The following PLXDC2 variants were observed in gnomAD, a reference collection of about 807,000 sequenced individuals.
PLXDC2 encodes plexin domain-containing protein 2.
In PLXDC2, 40 loss-of-function variants were observed where a neutral mutation model predicts 68.9. The observed-to-expected ratio is 0.58, with a 90% CI of 0.45 to 0.76. PLXDC2 has a LOEUF of 0.76. Among genes scored for constraint, PLXDC2 ranks in the 30% least tolerant of loss-of-function variants. PLXDC2 has a pLI of 0.00. For synonymous variants in PLXDC2, 243 were observed against 234.2 expected (o/e 1.04, Z -0.34); for missense variants, 644 against 661.9 (o/e 0.97, Z 0.30).
At chr10:19,989,341 C>G (rs1834706504) in intron 1 of PLXDC2, among the ~76,000 whole-genome samples, 1 of 152,102 alleles carries the variant, frequency 6.6e-6, no homozygotes, top group Non-Finnish European at 1.5e-5. Context: ...TAAATTTTTT[C>G]TGAGCAAATG....
At chr10:20,159,984 T>A (rs555691482) in intron 6 of PLXDC2, among the ~76,000 whole-genome samples, 6 of 152,304 alleles carry the variant, frequency 3.9e-5, no homozygotes, top group African/African-American at 1.4e-4. Flanking sequence ...CACCTTCTAG[T>A]ATGCTATAGG....
At chr10:19,914,416 G>A (rs925211972) in intron 1 of PLXDC2, among the ~76,000 whole-genome samples, 4 of 152,082 alleles carry the variant, frequency 2.6e-5, no homozygotes, top group Non-Finnish European at 4.4e-5. Flanking sequence ...TACAGAGTGG[G>A]TTTTAAAGTT....
At position 20,287,384 on chromosome 10, in the gene PLXDC2, A is replaced by G. The variant is rs777988855; in HGVS notation, c.*7565A>G. On this transcript the variant is annotated 3_prime_UTR_variant, in exon 14 of 14. Transcript: ENST00000377252. ...AAAATAATTTTCCTGAGGAAAGGTT[A>G]AGAGATGGCACTTTCCTTTCCGGGC... 2 of 152,190 alleles carry G rather than the reference A, an allele frequency of 1.3e-5. No individual in the cohort carries two copies. The highest frequency in any genetic ancestry group is 2.9e-5 in the Non-Finnish European group (2 of 68,042). The allele number at this position is 152,190 out of a possible 1,614,324, so 9.4% of individuals were successfully genotyped here.
intron 1 of PLXDC2, among the ~76,000 whole-genome samples, chr10:19,819,858 A>G (rs1229787289): frequency 2.0e-5 from 3 of 152,216 alleles, no homozygotes; most frequent in African/African-American, 7.2e-5. Context: ...TAATCACTAA[A>G]GTTTCTGTTT....
intron 4 of PLXDC2, among the ~76,000 whole-genome samples, chr10:20,127,091 AAAAG>A (rs973165439): frequency 1.3e-5 from 2 of 151,984 alleles, no homozygotes; most frequent in Admixed American, 6.6e-5. Flanking sequence ...GGGTGGAAAA[AAAAG>A]AAAGAAGGAA....
intron 1 of PLXDC2, among the ~76,000 whole-genome samples, chr10:19,981,312 G>A (rs777392028): frequency 6.6e-6 from 1 of 152,138 alleles, no homozygotes; most frequent in Non-Finnish European, 1.5e-5. Flanking sequence ...TCACATCCTA[G>A]ACCTTGAAAA....
At chr10:19,890,150 GC>G (rs1837925795) in intron 1 of PLXDC2, among the ~76,000 whole-genome samples, 1 of 152,168 alleles carries the variant, frequency 6.6e-6, no homozygotes, top group African/African-American at 2.4e-5. Context: ...TTGGGGGATA[GC>G]CCTGGGCTTC....
chr10:20,206,524 C>T (rs192149650), intron 9 of PLXDC2, among the ~76,000 whole-genome samples: 62 of 151,926 alleles, frequency 4.1e-4, no homozygotes, highest in African/African-American at 1.2e-3. Flanking sequence ...ACAGCACCTT[C>T]GGGGAAGGGA....
intron 1 of PLXDC2, among the ~76,000 whole-genome samples, chr10:19,831,019 C>G (rs1325106621): frequency 6.7e-6 from 1 of 148,778 alleles, no homozygotes; most frequent in Non-Finnish European, 1.5e-5. Flanking sequence ...TGTTTTTTTG[C>G]TTGTTTGTTT....
At chr10:19,836,019 A>G (rs1358670455) in intron 1 of PLXDC2, among the ~76,000 whole-genome samples, 1 of 152,056 alleles carries the variant, frequency 6.6e-6, no homozygotes, top group Non-Finnish European at 1.5e-5. Context: ...AAAAATAAAA[A>G]TAAAAAAATT....
intron 1 of PLXDC2, among the ~76,000 whole-genome samples, chr10:19,888,897 A>C (rs1171236795): frequency 6.6e-6 from 1 of 152,184 alleles, no homozygotes; most frequent in Non-Finnish European, 1.5e-5. Context: ...AGTTTTGACA[A>C]TGCCAACCAG....
At chr10:19,978,269 T>A (rs1418971292) in intron 1 of PLXDC2, among the ~76,000 whole-genome samples, 1 of 152,218 alleles carries the variant, frequency 6.6e-6, no homozygotes, top group East Asian at 1.9e-4. Flanking sequence ...GATTAATTAA[T>A]CTTTAAGATT....
chr10:20,166,996 C>G (rs755365659), intron 7 of PLXDC2, among the ~76,000 whole-genome samples: 1 of 152,076 alleles, frequency 6.6e-6, no homozygotes, highest in Non-Finnish European at 1.5e-5. Flanking sequence ...TTAATTCAAA[C>G]GTAGAATTCA....
intron 1 of PLXDC2, among the ~76,000 whole-genome samples, chr10:19,984,002 G>A (rs909768505): frequency 1.3e-5 from 2 of 152,190 alleles, no homozygotes; most frequent in African/African-American, 2.4e-5. Flanking sequence ...CAGTTTAAAT[G>A]TGTTACTGAG....
intron 13 of PLXDC2, among the ~76,000 whole-genome samples, chr10:20,257,997 C>CTTTTTTTTTTTTTTTTTTTTTTTT (rs550997528): frequency 1.2e-5 from 1 of 84,360 alleles, no homozygotes; most frequent in Non-Finnish European, 2.4e-5. Flanking sequence ...TTTTTTCTTT[C>CTTTTTTTTTTTTTTTTTTTTTTTT]TTTTTTTTTT....
chr10:19,963,584 A>C (rs1834197218), intron 1 of PLXDC2, among the ~76,000 whole-genome samples: 1 of 152,170 alleles, frequency 6.6e-6, no homozygotes, highest in South Asian at 2.1e-4. Flanking sequence ...AACTATCGCA[A>C]GGCCAAAAAA....
chr10:20,020,178 A>ATTTTTTTTTTTTTTTTTTTTTTTTTTT (rs71388889), intron 2 of PLXDC2, among the ~76,000 whole-genome samples: 1 of 107,332 alleles, frequency 9.3e-6, no homozygotes, highest in African/African-American at 4.1e-5. Flanking sequence ...CACCCAGCAA[A>ATTTTTTTTTTTTTTTTTTTTTTTTTTT]TTTTTTTTTT....
chr10:20,246,489 A>G (rs2119337472), intron 13 of PLXDC2, among the ~76,000 whole-genome samples: 1 of 152,364 alleles, frequency 6.6e-6, no homozygotes, highest in Non-Finnish European at 1.5e-5. Context: ...AGCTTGGACT[A>G]GAGGCAAACA....
chr10:19,943,058 A>T (rs1833843567), intron 1 of PLXDC2, among the ~76,000 whole-genome samples: 1 of 152,172 alleles, frequency 6.6e-6, no homozygotes, highest in Non-Finnish European at 1.5e-5. Context: ...TTACTTAGAG[A>T]AGTTATAATA....
Sources: gnomAD v4.1 joint callset for allele counts (sites outside exome capture counted in the v4.1 genomes callset) on GRCh38, gnomAD v4.1.1 for gene constraint, MANE v1.5 for transcripts, NCBI Gene and HGNC (gene_info 2026-07-23, HGNC 2026-07-21) for gene names.